FBXO28: variants seen among roughly 807,000 people sequenced by gnomAD.
The protein encoded by FBXO28 is F-box only protein 28.
FBXO28 carries 8 observed loss-of-function variants against 38.1 expected under a neutral mutation model. The ratio of observed to expected loss-of-function variants is 0.21; its 90% confidence interval spans 0.12 to 0.38. FBXO28 has a LOEUF of 0.38. Among genes scored for constraint, FBXO28 ranks in the 10% least tolerant of loss-of-function variants. The pLI is 1.00. For synonymous variants in FBXO28, 168 were observed against 173.8 expected (o/e 0.97, Z 0.26); for missense variants, 345 against 460.6 (o/e 0.75, Z 2.30).
intron 1 of FBXO28, among the ~76,000 whole-genome samples, chr1:224,119,608 A>G (rs1202755450): frequency 6.6e-6 from 1 of 152,202 alleles, no homozygotes; most frequent in Non-Finnish European, 1.5e-5. Flanking sequence ...GTCGTCATCA[A>G]GAGAAAATAT....
At chr1:224,133,807 G>A (rs947514375) in intron 2 of FBXO28, among the ~76,000 whole-genome samples, 7 of 146,244 alleles carry the variant, frequency 4.8e-5, no homozygotes, top group African/African-American at 1.5e-4. Flanking sequence ...CTCCAAGCCC[G>A]GCCCCAAAAA....
intron 1 of FBXO28, among the ~76,000 whole-genome samples, chr1:224,129,743 A>C (rs974817108): frequency 1.3e-5 from 2 of 152,146 alleles, no homozygotes; most frequent in African/African-American, 2.4e-5. Flanking sequence ...TAATCCCAGC[A>C]CTTTGGGAGG....
intron 3 of FBXO28, among the ~76,000 whole-genome samples, chr1:224,145,737 A>C (rs998204632): frequency 1.3e-5 from 2 of 152,176 alleles, no homozygotes; most frequent in Non-Finnish European, 2.9e-5. Context: ...AGCCTGGCCA[A>C]CATGGTGAAA....
chr1:224,129,998 AAAAG>A (rs969510446), intron 1 of FBXO28, among the ~76,000 whole-genome samples: 3 of 151,156 alleles, frequency 2.0e-5, no homozygotes, highest in Non-Finnish European at 4.4e-5. Flanking sequence ...TCAAAAAAAA[AAAAG>A]AAATTACATG....
chr1:224,119,049 C>T (rs192375355), intron 1 of FBXO28, among the ~76,000 whole-genome samples: 1 of 152,146 alleles, frequency 6.6e-6, no homozygotes, highest in South Asian at 2.1e-4. Context: ...TGGGGATCTC[C>T]CACTGCCCAG....
intron 3 of FBXO28, among the ~76,000 whole-genome samples, chr1:224,151,979 T>C (rs1196471779): frequency 6.6e-6 from 1 of 151,070 alleles, no homozygotes; most frequent in Non-Finnish European, 1.5e-5. Flanking sequence ...CGGTTGGAGA[T>C]GACAGTGAGC....
At chr1:224,156,408 C>T (rs1246629992) in intron 4 of FBXO28, among the ~76,000 whole-genome samples, 1 of 152,132 alleles carries the variant, frequency 6.6e-6, no homozygotes, top group Non-Finnish European at 1.5e-5. Flanking sequence ...GCAGAGTGAA[C>T]TTAAGAACAC....
chr1:224,154,359 A>G (rs1657717167), intron 4 of FBXO28, among the ~76,000 whole-genome samples: 2 of 152,204 alleles, frequency 1.3e-5, no homozygotes, highest in Admixed American at 1.3e-4. Context: ...TCACTTCCAT[A>G]CCATTGTAAA....
intron 2 of FBXO28, chr1:224,130,851 T>A: frequency 3.2e-6 from 1 of 310,168 alleles, no homozygotes; most frequent in Non-Finnish European, 6.1e-6. Context: ...TGTTCACAGA[T>A]GATATGATCT....
intron 1 of FBXO28, among the ~76,000 whole-genome samples, chr1:224,116,061 A>C (rs938390232): frequency 5.3e-5 from 8 of 152,190 alleles, no homozygotes; most frequent in Non-Finnish European, 1.0e-4. Flanking sequence ...TTAAGGTTAT[A>C]AATTTATAAT....
In FBXO28 at chr1:224,158,002, T is replaced by C. The variant is rs1357495968; in HGVS notation, c.*256T>C. 2 of 1,234,314 alleles carry C rather than the reference T, an allele frequency of 1.6e-6. No individual in the cohort carries two copies. The highest frequency in any genetic ancestry group is 2.0e-6 in the Non-Finnish European group (2 of 988,138). The allele number at this position is 1,234,314 out of a possible 1,614,324, so 76.5% of individuals were successfully genotyped here. ...TCATGTTTTGAGGAGTTAACTTTTT[T>C]CTGTGCAGATAATGTTGAAAGTAAG... On this transcript the variant is annotated 3_prime_UTR_variant, in exon 5 of 5. Coordinates refer to ENST00000366862, the MANE Select transcript of FBXO28 (RefSeq NM_015176.4).
rs1572011470 is a variant in FBXO28 at position 224,130,352 on chromosome 1, A to G, written c.268-120A>G. ...GTGAGACTTCGTCTCAAAAAAAAAG[A>G]TATATACAGCAAACTGAGGAATAAT... On this transcript the variant is annotated intron_variant, in intron 1 of 4. Coordinates refer to ENST00000366862, the MANE Select transcript of FBXO28 (RefSeq NM_015176.4). 6.1e-6 allele frequency: 4 copies of G among 656,176 alleles called. No individual in the cohort carries two copies. The East Asian group carries it at 1.1e-4, about 18-fold the overall frequency. 40.6% of individuals were successfully genotyped at this position (656,176 alleles called of 1,614,324 possible). A position where few individuals can be genotyped will look rare whatever the true frequency, so the allele number is the denominator to read the frequency against.
At chr1:224,125,193 C>T (rs1249143585) in intron 1 of FBXO28, among the ~76,000 whole-genome samples, 3 of 151,266 alleles carry the variant, frequency 2.0e-5, no homozygotes, top group South Asian at 4.2e-4. Context: ...TCATACACTG[C>T]AGCCTCAAAC....
At chr1:224,154,571 G>A (rs1198689772) in intron 4 of FBXO28, among the ~76,000 whole-genome samples, 1 of 151,980 alleles carries the variant, frequency 6.6e-6, no homozygotes, top group Non-Finnish European at 1.5e-5. Context: ...CACTTTGGGA[G>A]GCCAAGGCGG....
At chr1:224,137,224 C>T (rs1657212350) in intron 3 of FBXO28, among the ~76,000 whole-genome samples, 2 of 151,562 alleles carry the variant, frequency 1.3e-5, no homozygotes, top group Non-Finnish European at 2.9e-5. Context: ...AAATTTTGGA[C>T]CTTTAAAGTA....
chr1:224,130,925 A>C (rs1657023959), intron 2 of FBXO28: 1 of 173,016 alleles, frequency 5.8e-6, no homozygotes. Context: ...AGGATATGGG[A>C]TATAAGAATA....
chr1:224,134,349 T>C (rs1413871491), intron 3 of FBXO28, 137 bp downstream of exon 3: 3 of 720,628 alleles, frequency 4.2e-6, no homozygotes, highest in Non-Finnish European at 6.6e-6. Context: ...GTTTGCTTTC[T>C]GTACAGTTAT....
At chr1:224,155,903 T>G (rs192267105) in intron 4 of FBXO28, among the ~76,000 whole-genome samples, 6 of 152,312 alleles carry the variant, frequency 3.9e-5, no homozygotes, top group Admixed American at 3.9e-4. Context: ...AAATAAATTA[T>G]CATAGGCAAA....
chr1:224,129,508 T>TA (rs1656986371), intron 1 of FBXO28, among the ~76,000 whole-genome samples: 1 of 152,174 alleles, frequency 6.6e-6, no homozygotes, highest in Non-Finnish European at 1.5e-5. Context: ...CATTTCTGAC[T>TA]AAAAAAGAAT....
Sources: allele counts gnomAD v4.1 joint callset (sites outside exome capture counted in the v4.1 genomes callset), GRCh38; gene constraint gnomAD v4.1.1; transcripts MANE v1.5; gene names NCBI Gene and HGNC (gene_info 2026-07-23, HGNC 2026-07-21).